The following ASTN2 variants were observed in gnomAD, a reference collection of about 807,000 sequenced individuals.
ASTN2 encodes astrotactin-2.
In ASTN2, 54 loss-of-function variants were observed where a neutral mutation model predicts 139.8. That is an observed-to-expected ratio of 0.39 (90% CI 0.31 to 0.48). ASTN2 has a LOEUF of 0.48. Ranked by LOEUF, ASTN2 falls within the 20% of genes least tolerant of loss-of-function variation. ASTN2 has a pLI of 0.95. For synonymous variants in ASTN2, 756 were observed against 719.5 expected, an observed-to-expected ratio of 1.05 and a Z score of -0.81; for missense variants, 1,565 against 1,725.1, an observed-to-expected ratio of 0.91 and a Z score of 1.64.
intron 3 of ASTN2, among the ~76,000 whole-genome samples, chr9:117,189,758 C>T (rs1270455045): frequency 4.6e-5 from 7 of 152,162 alleles, no homozygotes; most frequent in Non-Finnish European, 1.5e-5. Context: ...TGTCAAAGTT[C>T]TTAAAGGTCT....
intron 10 of ASTN2, among the ~76,000 whole-genome samples, chr9:116,916,105 C>T (rs1327107243): frequency 6.6e-6 from 1 of 152,158 alleles, no homozygotes. Context: ...GGAAAACAAT[C>T]CCTACATTTG....
At chr9:116,608,975 T>C (rs1482203831) in intron 19 of ASTN2, among the ~76,000 whole-genome samples, 1 of 152,028 alleles carries the variant, frequency 6.6e-6, no homozygotes, top group Non-Finnish European at 1.5e-5. Context: ...CTGGATGGGA[T>C]GAACAATAAA....
chr9:117,218,919 T>C (rs1343007719), intron 2 of ASTN2, among the ~76,000 whole-genome samples: 1 of 152,198 alleles, frequency 6.6e-6, no homozygotes, highest in African/African-American at 2.4e-5. Flanking sequence ...GGAAGTGAGA[T>C]GTGAACTAAT....
chr9:116,686,559 T>G, intron 16 of ASTN2: 1 of 847,180 alleles, frequency 1.2e-6, no homozygotes, highest in Non-Finnish European at 1.9e-6. Context: ...GGCCAGCCAG[T>G]CCTGTATCAG....
chr9:116,678,632 G>C (rs1859647482), intron 16 of ASTN2, among the ~76,000 whole-genome samples: 1 of 152,140 alleles, frequency 6.6e-6, no homozygotes, highest in Admixed American at 6.6e-5. Flanking sequence ...GGCTTATAAA[G>C]GGTTGATCTT....
chr9:116,977,851 G>T (rs1296477074), intron 7 of ASTN2, among the ~76,000 whole-genome samples: 1 of 151,384 alleles, frequency 6.6e-6, no homozygotes, highest in African/African-American at 2.4e-5. Flanking sequence ...CGAGTAGCTG[G>T]GATTACAGGC....
intron 17 of ASTN2, among the ~76,000 whole-genome samples, chr9:116,635,483 C>G (rs1183688305): frequency 1.3e-5 from 2 of 152,144 alleles, no homozygotes; most frequent in Non-Finnish European, 2.9e-5. Context: ...ATAAATCTAT[C>G]TATATTTATA....
intron 5 of ASTN2, among the ~76,000 whole-genome samples, chr9:117,057,641 G>A (rs528985580): frequency 6.6e-6 from 1 of 152,326 alleles, no homozygotes; most frequent in Non-Finnish European, 1.5e-5. Context: ...TGTGCTTAGA[G>A]TAGAAGTAAC....
intron 13 of ASTN2, 61 bp from the exon 14 acceptor site, chr9:116,733,584 G>A: frequency 1.2e-6 from 2 of 1,602,058 alleles, no homozygotes; most frequent in Middle Eastern, 1.7e-4. Context: ...AGGACTACAG[G>A]GCAAGGAGGC....
chr9:117,060,397 AGAAAGAAAGAAAGAAG>A (rs1338424215), intron 5 of ASTN2, among the ~76,000 whole-genome samples: 16 of 79,454 alleles, frequency 2.0e-4, no homozygotes, highest in African/African-American at 1.1e-3. Flanking sequence ...AAAGAAAGAA[AGAAAGAAAGAAAGAAG>A]GAAAGGAAGG....
intron 3 of ASTN2, among the ~76,000 whole-genome samples, chr9:117,161,827 A>T (rs769656422): frequency 7.9e-5 from 12 of 151,790 alleles, no homozygotes; most frequent in Non-Finnish European, 1.2e-4. Context: ...GGTAACAGTT[A>T]CAACTGTCCA....
chr9:116,730,008 C>G (rs528167891), intron 14 of ASTN2, among the ~76,000 whole-genome samples: 1 of 152,096 alleles, frequency 6.6e-6, no homozygotes, highest in South Asian at 2.1e-4. Flanking sequence ...TAACTTTGGG[C>G]GGTGGTAAAT....
intron 6 of ASTN2, among the ~76,000 whole-genome samples, chr9:117,013,233 T>C (rs1299449988): frequency 6.6e-6 from 1 of 152,176 alleles, no homozygotes; most frequent in Non-Finnish European, 1.5e-5. Context: ...TATTTGGGAA[T>C]ACAAACTACA....
intron 4 of ASTN2, among the ~76,000 whole-genome samples, chr9:117,118,394 C>A (rs1192587461): frequency 6.6e-6 from 1 of 152,050 alleles, no homozygotes; most frequent in African/African-American, 2.4e-5. Context: ...CAATCCAGAT[C>A]TAAGTCCCAT....
intron 5 of ASTN2, among the ~76,000 whole-genome samples, chr9:117,040,858 C>T (rs537162611): frequency 1.3e-5 from 2 of 152,288 alleles, no homozygotes; most frequent in Admixed American, 6.5e-5. Context: ...AAGAGTTTCA[C>T]GGTTAGAAGC....
In ASTN2 at chr9:117,033,605, A is replaced by G. The variant is rs150272035; in HGVS notation, c.1423+6214T>C. Among the ~76,000 whole-genome samples, 47 of 152,208 alleles carry G rather than the reference A, an allele frequency of 3.1e-4. 1 individual carries two copies. Among genetic ancestry groups the G allele is most frequent in the African/African-American group, 1.0e-3 (42 of 41,548 alleles). ...ATCCCTGACCATACTCATTACCCAT[A>G]TATCTGTCTAGTTTTGCTTCCTTAG... On this transcript the variant is annotated intron_variant, in intron 6 of 22. Coordinates refer to ENST00000313400, the MANE Select transcript of ASTN2 (RefSeq NM_001365068.1).
At chr9:116,692,234 C>G (rs1204388311) in intron 16 of ASTN2, among the ~76,000 whole-genome samples, 2 of 152,178 alleles carry the variant, frequency 1.3e-5, no homozygotes, top group African/African-American at 4.8e-5. Flanking sequence ...TAGATCATCT[C>G]TAATCTTTAG....
chr9:116,739,428 T>C (rs140928026), intron 13 of ASTN2, among the ~76,000 whole-genome samples: 8 of 152,256 alleles, frequency 5.3e-5, no homozygotes, highest in African/African-American at 1.2e-4. Flanking sequence ...TTCTGGGGCA[T>C]GCTCCCATCC....
intron 20 of ASTN2, among the ~76,000 whole-genome samples, chr9:116,470,971 T>A (rs1323531568): frequency 1.3e-5 from 2 of 152,174 alleles, no homozygotes; most frequent in African/African-American, 4.8e-5. Context: ...GTTCAAAAAT[T>A]AACAAGACTA....
Sources: gnomAD v4.1 joint callset for allele counts (sites outside exome capture counted in the v4.1 genomes callset) on GRCh38, gnomAD v4.1.1 for gene constraint, MANE v1.5 for transcripts, NCBI Gene and HGNC (gene_info 2026-07-23, HGNC 2026-07-21) for gene names.